Variants in PMEL observed in about 807,000 individuals in gnomAD.
PMEL encodes melanocyte protein PMEL.
Under a neutral mutation model 64.9 loss-of-function variants are expected in PMEL, and 53 were observed. The observed-to-expected ratio is 0.82, with a 90% CI of 0.66 to 1.03. The LOEUF (loss-of-function observed/expected upper bound fraction) is 1.03. Among genes scored for constraint, PMEL ranks in the 50% least tolerant of loss-of-function variants. PMEL has a pLI of 0.00. For synonymous variants in PMEL, 299 were observed against 316.2 expected (o/e 0.95, Z 0.58); for missense variants, 716 against 814.9 (o/e 0.88, Z 1.48).
In PMEL at chr12:55,957,456, G is replaced by C. The variant is rs758924313; in HGVS notation, c.847C>G (p.Pro283Ala). ...ACCACCTGGGCAGTGACTGGGCCAG[G>C]CTCCAGGTAAGTATGAGTGACCACA... ...ALVVTHTYLEPGPVTAQVVLQ... is the reference protein window; with the variant it reads ...ALVVTHTYLEAGPVTAQVVLQ... Residue 283 changes from proline (P) to alanine (A), a missense_variant, in exon 6 of 11, where the codon CCT (proline) becomes GCT (alanine). Coordinates refer to ENST00000548747, the MANE Select transcript of PMEL (RefSeq NM_001384361.1). 25 of 1,613,680 alleles carry C rather than the reference G, an allele frequency of 1.5e-5. No homozygotes were observed. The highest frequency in any genetic ancestry group is 1.9e-5 in the Non-Finnish European group (23 of 1,179,760).
chr12:55,957,308 A>G lies in PMEL; in HGVS notation c.995T>C (p.Val332Ala). 1 of 1,607,290 alleles carries G rather than the reference A, an allele frequency of 6.2e-7. No individual in the cohort carries two copies. The highest frequency in any genetic ancestry group is 8.5e-7 in the Non-Finnish European group (1 of 1,175,250). Residue 332 changes from valine (V) to alanine (A), a missense_variant, in exon 6 of 11, where the codon GTT (valine) becomes GCT (alanine). By Grantham distance (64) the Val-to-Ala change is moderately conservative. Transcript: ENST00000548747. ...CGCCTGACCAGGTGTAGTACCCACA[A>G]CTTCTGTAGTAGGCACTTGGCCAGC... ...TTAGQVPTTE[V>A]VGTTPGQAPT...
chr12:55,965,302 C>T (rs1592777992), intron 1 of PMEL, among the ~76,000 whole-genome samples: 1 of 152,180 alleles, frequency 6.6e-6, no homozygotes, highest in East Asian at 1.9e-4. Context: ...TATTGAGCAT[C>T]CCACCACTAG....
intron 3 of PMEL, among the ~76,000 whole-genome samples, chr12:55,959,741 G>T (rs1435957601): frequency 1.3e-5 from 2 of 152,076 alleles, no homozygotes; most frequent in African/African-American, 4.8e-5. Context: ...GGAGGTGGAG[G>T]CTGCAGTGAG....
chr12:55,957,901 T>G (rs1225726749), intron 5 of PMEL, 22 bp downstream of exon 5: 2 of 1,613,414 alleles, frequency 1.2e-6, no homozygotes, highest in South Asian at 2.2e-5. Flanking sequence ...ACAACTGGCC[T>G]TGCCCCTTCC....
chr12:55,959,386 A>AAAATAAATAAATAAATAAATAAAT (rs200660768), intron 3 of PMEL, among the ~76,000 whole-genome samples: 1 of 150,000 alleles, frequency 6.7e-6, no homozygotes, highest in African/African-American at 2.5e-5. Flanking sequence ...CCCCGACTTT[A>AAAATAAATAAATAAATAAATAAAT]AAATAAATAA....
At chr12:55,964,887 G>A (rs570450052) in intron 1 of PMEL, among the ~76,000 whole-genome samples, 15 of 150,044 alleles carry the variant, frequency 1.0e-4, no homozygotes, top group Non-Finnish European at 1.9e-4. Flanking sequence ...AAAGTGCTAG[G>A]ATTACAGGCA....
In PMEL at chr12:55,957,421, A is replaced by G. The variant is rs1021931191; in HGVS notation, c.882T>C (p.Ala294=). The G allele has an allele frequency of 1.9e-6, 3 of 1,608,166 alleles. No individual in the cohort carries two copies. Among genetic ancestry groups the G allele is most frequent in the Non-Finnish European group, 2.6e-6 (3 of 1,176,242 alleles). ...GPVTAQVVLQ[A]AIPLTSCGSS... ...AGCCACAGGAGGTGAGAGGAATGGC[A>G]GCCTGCAGGACCACCTGGGCAGTGA... The change falls in exon 6 of 11, where the codon GCT becomes GCC. Residue 294 remains alanine (A), a synonymous_variant. Coordinates refer to ENST00000548747, the MANE Select transcript of PMEL (RefSeq NM_001384361.1).
rs766708140 is a variant in PMEL at position 55,954,284 on chromosome 12, C to T, written c.1916G>A (p.Arg639His). 31 of 1,613,758 alleles carry T rather than the reference C, an allele frequency of 1.9e-5. No homozygotes were observed. Among genetic ancestry groups the T allele is most frequent in the East Asian group, 4.5e-5 (2 of 44,886 alleles). ...QLPHSSSHWL[R>H]LPRIFCSCPI... ...ACAAGAGCAGAAGATGCGGGGTAGA[C>T]GCAGCCAGTGACTGCTGCTATGTGG... The change falls in exon 11 of 11, where the codon CGT becomes CAT. Residue 639 changes from arginine (R) to histidine (H), a missense_variant. By Grantham distance (29) the Arg-to-His change is conservative (BLOSUM62 0). Coordinates refer to ENST00000548747, the MANE Select transcript of PMEL (RefSeq NM_001384361.1).
upstream of PMEL, chr12:55,966,109 C>A: frequency 6.3e-7 from 1 of 1,592,082 alleles, no homozygotes; most frequent in South Asian, 1.1e-5. Flanking sequence ...CCTCTTCTCC[C>A]TCAGAGAAGG....
chr12:55,956,422 C>T (rs1016161866), intron 6 of PMEL: 15 of 528,618 alleles, frequency 2.8e-5, no homozygotes, highest in African/African-American at 2.5e-4. Flanking sequence ...TCCAGAGTCA[C>T]AGTTAGGGGT....
rs141153993 is a variant in PMEL at position 55,957,274 on chromosome 12, T to C, written c.1029A>G (p.Ala343=). 2.7e-4 allele frequency: 440 copies of C among 1,613,018 alleles called. No homozygotes were observed. Among genetic ancestry groups the C allele is most frequent in the Non-Finnish European group, 3.6e-4 (427 of 1,179,168 alleles). Residue 343 remains alanine, a synonymous_variant, in exon 6 of 11, where the codon GCA becomes GCG. Transcript: ENST00000548747. ...GCACAGATGTGGTTCCAGAGGGCTC[T>C]GCAGTTGGCGCCTGACCAGGTGTAG... ...VGTTPGQAPT[A]EPSGTTSVQV...
rs528855850 is a variant in PMEL, at chr12:55,955,342, C to G, written c.1782G>C (p.Gly594=). Residue 594 remains glycine, a synonymous_variant, in exon 10 of 11, where the codon GGG becomes GGC. Coordinates refer to ENST00000548747, the MANE Select transcript of PMEL (RefSeq NM_001384361.1). The stretch of plus-strand genomic sequence containing the variant: ...AGATGCCCACGATCAGCGGAACCTG[C>G]CCAAGGCCTGCTTCTTGACCTGTGA... ...LIMPGQEAGL[G]QVPLIVGILL... 6.2e-7 allele frequency: 1 copy of G among 1,614,180 alleles called. No homozygotes were observed. Among genetic ancestry groups the G allele is most frequent in the African/African-American group, 1.3e-5 (1 of 75,040 alleles).
intron 5 of PMEL, 68 bp from the exon 6 acceptor site, chr12:55,957,739 C>A: frequency 6.5e-7 from 1 of 1,547,554 alleles, no homozygotes; most frequent in Non-Finnish European, 8.7e-7. Flanking sequence ...CAGCCACACC[C>A]TCCAACTCCA....
chr12:55,958,558 A>C lies in PMEL; in HGVS notation c.384T>G (p.Asp128Glu). ...GTCCACCATCAGGGAAGATGCAGGC[A>C]TCGTCAGTTTCCTGGGGATACACTG... is the stretch of plus-strand genomic sequence containing the variant. ...GQPVYPQETD[D>E]ACIFPDGGPC... The change falls in exon 4 of 11, where the codon GAT (aspartate) becomes GAG (glutamate). Residue 128 changes from aspartate to glutamate, a missense_variant. Physicochemically the swap from Asp to Glu is conservative, Grantham distance 45. Transcript: ENST00000548747. The C allele has an allele frequency of 6.2e-7, 1 of 1,614,158 alleles. No individual in the cohort carries two copies. Among genetic ancestry groups the C allele is most frequent in the Non-Finnish European group, 8.5e-7 (1 of 1,179,970 alleles).
intron 3 of PMEL, among the ~76,000 whole-genome samples, chr12:55,960,189 C>T (rs1160649651): frequency 2.2e-5 from 3 of 136,420 alleles, no homozygotes; most frequent in Non-Finnish European, 4.5e-5. Flanking sequence ...CCAGCCTGAG[C>T]GACACAGCCA....
In PMEL at chr12:55,955,804, C is replaced by T. The variant is rs572658514; in HGVS notation, c.1531G>A (p.Glu511Lys). The T allele has an allele frequency of 6.2e-7, 1 of 1,614,112 alleles. No individual in the cohort carries two copies. Among genetic ancestry groups the T allele is most frequent in the East Asian group, 2.2e-5 (1 of 44,878 alleles). The change falls in exon 8 of 11, where the codon GAG (glutamate) becomes AAG (lysine). Residue 511 changes from glutamate (E) to lysine (K), a missense_variant. Transcript: ENST00000548747. ...AVPSGEGDAF[E>K]LTVSCQGGLP... ...CCGCCTTGGCAGGACACAGTCAGCT[C>T]AAATGCATCCCCCTCACCGGACGGC...
chr12:55,962,233 C>T lies in PMEL; in HGVS notation c.77-501G>A, dbSNP rs181242042. On this transcript the variant is annotated intron_variant, in intron 1 of 10. Coordinates refer to ENST00000548747, the MANE Select transcript of PMEL (RefSeq NM_001384361.1). ...GGCTGAGGCGGGTGGATCATGAGGTCAAGAGATAGAGACCATCCTGGCCAA... is the reference window on the plus strand; with the variant it reads ...GGCTGAGGCGGGTGGATCATGAGGTTAAGAGATAGAGACCATCCTGGCCAA... Among the ~76,000 whole-genome samples the T allele has an allele frequency of 2.4e-3, 365 of 151,716 alleles. 4 individuals are homozygous for T. The highest frequency in any genetic ancestry group is 8.7e-3 in the African/African-American group (359 of 41,454).
At chr12:55,956,484 T>A in intron 6 of PMEL, 2 of 427,606 alleles carry the variant, frequency 4.7e-6, no homozygotes, top group South Asian at 7.3e-5. Context: ...CCACACTATG[T>A]CAGGTCCTAG....
rs145554367 is a variant in PMEL at position 55,958,518 on chromosome 12, A to G, written c.424T>C (p.Ser142Pro). 2 of 1,614,148 alleles carry G rather than the reference A, an allele frequency of 1.2e-6. No homozygotes were observed. Among genetic ancestry groups the G allele is most frequent in the Non-Finnish European group, 8.5e-7 (1 of 1,180,004 alleles). ...ACAAAGCTTCTCTTCTGAGACCAAG[A>G]GCCAGATGGGCAAGGTCCACCATCA... ...FPDGGPCPSGSWSQKRSFVYV... is the reference protein window; with the variant it reads ...FPDGGPCPSGPWSQKRSFVYV... Residue 142 changes from serine (S) to proline (P), a missense_variant, in exon 4 of 11, where the codon TCT becomes CCT. Transcript: ENST00000548747.
Sources: gnomAD v4.1 joint callset for allele counts (sites outside exome capture counted in the v4.1 genomes callset) on GRCh38, gnomAD v4.1.1 for gene constraint, MANE v1.5 for transcripts, NCBI Gene and HGNC (gene_info 2026-07-23, HGNC 2026-07-21) for gene names.